Variants in CTNNA3 observed in about 807,000 individuals in gnomAD.
The protein encoded by CTNNA3 is catenin alpha 3, also known as catenin alpha-3.
CTNNA3 carries 76 observed loss-of-function variants against 95.7 expected under a neutral mutation model. The ratio of observed to expected loss-of-function variants is 0.79; its 90% CI spans 0.66 to 0.96. CTNNA3 has a LOEUF of 0.96. Ranked by LOEUF, CTNNA3 falls within the 40% of genes least tolerant of loss-of-function variation. The pLI, the probability that CTNNA3 is intolerant of heterozygous loss-of-function variation, is 0.00. For missense variants in CTNNA3, 1,191 were observed against 1,089.8 expected, an observed-to-expected ratio of 1.09 and a Z score of -1.31; for synonymous variants, 431 against 374.4, an observed-to-expected ratio of 1.15 and a Z score of -1.74.
chr10:66,731,559 C>G (rs1240643644), intron 9 of CTNNA3, among the ~76,000 whole-genome samples: 4 of 152,082 alleles, frequency 2.6e-5, no homozygotes, highest in South Asian at 4.1e-4. Flanking sequence ...AGCTAAGGAC[C>G]TACAACCACA....
At position 66,280,613 on chromosome 10, in the gene CTNNA3, C is replaced by A; in HGVS notation, c.1741G>T (p.Glu581Ter). 6.2e-7 allele frequency: 1 copy of A among 1,604,284 alleles called. No individual in the cohort carries two copies. Among genetic ancestry groups the A allele is most frequent in the Non-Finnish European group, 8.5e-7 (1 of 1,176,140 alleles). The change falls in exon 13 of 18, where the codon GAA (glutamate) becomes TAA (stop). Residue 581 changes from glutamate (E) to a stop codon, truncating the protein, a stop_gained. Coordinates refer to ENST00000433211, the MANE Select transcript of CTNNA3 (RefSeq NM_013266.4). LOFTEE classifies it high-confidence loss of function. ...VNFLTSTVIP[E>*]FVTQVNVALE... The stretch of plus-strand genomic sequence containing the variant: ...GCAACATTCACTTGTGTTACAAATT[C>A]AGGAATTACTGTTAAAATAAAGAAT...
At chr10:66,515,230 A>G (rs578149216) in intron 11 of CTNNA3, among the ~76,000 whole-genome samples, 117 of 151,924 alleles carry the variant, frequency 7.7e-4, no homozygotes, top group African/African-American at 2.7e-3. Flanking sequence ...ATGATTCAGA[A>G]GAAAATGGAA....
At chr10:66,844,441 G>A (rs1843178943) in intron 7 of CTNNA3, among the ~76,000 whole-genome samples, 1 of 152,122 alleles carries the variant, frequency 6.6e-6, no homozygotes. Flanking sequence ...TTAACCTCAT[G>A]GCATTCTATG....
intron 7 of CTNNA3, among the ~76,000 whole-genome samples, chr10:66,829,965 A>C (rs1842659226): frequency 6.6e-6 from 1 of 151,666 alleles, no homozygotes; most frequent in Non-Finnish European, 1.5e-5. Flanking sequence ...TCCCGGGTTC[A>C]CGCCATTCTC....
In CTNNA3 at chr10:65,915,982, GT is replaced by G. The variant is rs980440653; in HGVS notation, c.*4347del. ...TACAACTAGTTTTAATAGCATCCAT[GT>G]TTTCTTTCCTAATTAAAACCAAAAT... On this transcript the variant is annotated 3_prime_UTR_variant, in exon 18 of 18. Coordinates refer to ENST00000433211, the MANE Select transcript of CTNNA3 (RefSeq NM_013266.4). 2.6e-5 allele frequency: 4 copies of G among 151,994 alleles called. No homozygotes were observed. Among genetic ancestry groups the G allele is most frequent in the Admixed American group, 2.6e-4 (4 of 15,242 alleles). The allele number at this position is 151,994 out of a possible 1,614,324, so 9.4% of individuals were successfully genotyped here. A position where few individuals can be genotyped will look rare whatever the true frequency, so the allele number is the denominator to read the frequency against.
At chr10:66,847,686 C>T (rs189477566) in intron 7 of CTNNA3, among the ~76,000 whole-genome samples, 152 of 151,956 alleles carry the variant, frequency 1.0e-3, no homozygotes, top group Non-Finnish European at 1.3e-3. Flanking sequence ...ATTTATTTAC[C>T]TTAGTGCAAA....
At chr10:66,133,638 G>A (rs2083227043) in intron 13 of CTNNA3, among the ~76,000 whole-genome samples, 1 of 150,446 alleles carries the variant, frequency 6.6e-6, no homozygotes, top group African/African-American at 2.4e-5. Context: ...AATTAGAAAT[G>A]AAAATATACA....
chr10:65,932,899 G>A (rs1263289814), intron 17 of CTNNA3, among the ~76,000 whole-genome samples: 5 of 152,052 alleles, frequency 3.3e-5, no homozygotes, highest in East Asian at 3.9e-4. Flanking sequence ...GTGATTGCTC[G>A]CTCATTCTAC....
intron 13 of CTNNA3, among the ~76,000 whole-genome samples, chr10:66,214,266 C>T (rs1260058694): frequency 6.6e-6 from 1 of 152,142 alleles, no homozygotes; most frequent in Non-Finnish European, 1.5e-5. Flanking sequence ...TTAAGTTGTG[C>T]TTGCTTTTCC....
At chr10:67,211,043 T>C (rs1263959910) in intron 6 of CTNNA3, among the ~76,000 whole-genome samples, 1 of 152,214 alleles carries the variant, frequency 6.6e-6, no homozygotes, top group Non-Finnish European at 1.5e-5. Context: ...GCTTGATTTA[T>C]GGTATTCTTA....
chr10:66,318,387 A>G (rs976597061), intron 12 of CTNNA3, among the ~76,000 whole-genome samples: 8 of 151,642 alleles, frequency 5.3e-5, no homozygotes, highest in African/African-American at 1.9e-4. Context: ...GTCAATAGTA[A>G]TCTCTCCACC....
intron 5 of CTNNA3, among the ~76,000 whole-genome samples, chr10:67,225,784 A>T (rs7068315): frequency 3.3e-5 from 5 of 152,026 alleles, no homozygotes; most frequent in Middle Eastern, 3.4e-3. Flanking sequence ...GGAACCAGAA[A>T]AAAAAATCTG....
At chr10:66,800,896 A>T (rs989484515) in intron 7 of CTNNA3, among the ~76,000 whole-genome samples, 2 of 151,400 alleles carry the variant, frequency 1.3e-5, no homozygotes, top group African/African-American at 4.8e-5. Flanking sequence ...AATGGCACCA[A>T]CACAACAACA....
chr10:66,227,751 T>C (rs1199082189), intron 13 of CTNNA3, among the ~76,000 whole-genome samples: 1 of 152,150 alleles, frequency 6.6e-6, no homozygotes, highest in Non-Finnish European at 1.5e-5. Context: ...CTGATTTTAG[T>C]TCTTTAAAAA....
chr10:67,380,216 A>G (rs1485101593), intron 5 of CTNNA3, among the ~76,000 whole-genome samples: 2 of 152,170 alleles, frequency 1.3e-5, no homozygotes, highest in Non-Finnish European at 2.9e-5. Flanking sequence ...TTCATTCAAA[A>G]TGGATCAGAT....
intron 11 of CTNNA3, among the ~76,000 whole-genome samples, chr10:66,393,317 A>G (rs2092948565): frequency 6.6e-6 from 1 of 152,062 alleles, no homozygotes; most frequent in African/African-American, 2.4e-5. Flanking sequence ...ACATTTGTCA[A>G]AATCCATAGA....
intron 1 of CTNNA3, among the ~76,000 whole-genome samples, chr10:67,762,327 A>T (rs1328218242): frequency 1.3e-5 from 2 of 151,952 alleles, no homozygotes; most frequent in Non-Finnish European, 2.9e-5. Context: ...CACAAAATAC[A>T]CAATAACTTT....
rs141367844 is a variant in CTNNA3, at chr10:66,779,421, A to T, written c.1048-3897T>A. Reference sequence around the variant, plus strand: ...GCCCAGGCTAGAGTGCAGTAGTGCCATCTCGGCTCACTGCAACCTATGCCT... The same window carrying T: ...GCCCAGGCTAGAGTGCAGTAGTGCCTTCTCGGCTCACTGCAACCTATGCCT... On this transcript the variant is annotated intron_variant, in intron 7 of 17. Coordinates refer to ENST00000433211, the MANE Select transcript of CTNNA3 (RefSeq NM_013266.4). Among the ~76,000 whole-genome samples, 358 of 151,958 alleles carry T rather than the reference A, an allele frequency of 2.4e-3. 1 individual carries two copies. The Middle Eastern group carries it at 0.038, about 16-fold the overall frequency.
At chr10:66,737,982 C>T (rs972309778) in intron 9 of CTNNA3, among the ~76,000 whole-genome samples, 10 of 152,132 alleles carry the variant, frequency 6.6e-5, no homozygotes, top group African/African-American at 2.4e-4. Flanking sequence ...AAGTAACATC[C>T]TTCTCTTCCC....
Sources: gnomAD v4.1 joint callset for allele counts (sites outside exome capture counted in the v4.1 genomes callset) on GRCh38, gnomAD v4.1.1 for gene constraint, MANE v1.5 for transcripts, NCBI Gene and HGNC (gene_info 2026-07-23, HGNC 2026-07-21) for gene names.